The following PARN variants were observed in gnomAD, a reference collection of about 807,000 sequenced individuals.
PARN encodes poly(A)-specific ribonuclease.
A neutral mutation model predicts 102.8 loss-of-function variants in PARN; 71 were observed. The observed-to-expected ratio is 0.69, with a 90% confidence interval of 0.57 to 0.84. The LOEUF is 0.84. Among genes scored for constraint, PARN ranks in the 40% least tolerant of loss-of-function variants. PARN has a pLI of 0.00. For synonymous variants in PARN, 261 were observed against 252.9 expected (o/e 1.03, Z -0.30); for missense variants, 782 against 760.9 (o/e 1.03, Z -0.33).
intron 22 of PARN, among the ~76,000 whole-genome samples, chr16:14,471,361 T>G (rs1178956488): frequency 6.6e-6 from 1 of 152,192 alleles, no homozygotes; most frequent in African/African-American, 2.4e-5. Context: ...GATAATTCAC[T>G]CATGAATTAT....
At chr16:14,613,737 G>A (rs1315936613) in intron 6 of PARN, among the ~76,000 whole-genome samples, 1 of 152,210 alleles carries the variant, frequency 6.6e-6, no homozygotes, top group African/African-American at 2.4e-5. Flanking sequence ...ATCAATAGAT[G>A]CTAAAACTAA....
rs1014032129 is a variant in PARN, at chr16:14,438,442, G to GGC, written c.1865-1671_1865-1670insGC. On this transcript the variant is annotated intron_variant, in intron 23 of 23. Coordinates refer to ENST00000437198, the MANE Select transcript of PARN (RefSeq NM_002582.4). ...TGCCAATCTGCACCTGCCATTAGTT[G>GGC]GGGGGGGGGGTGTGTGAGTGCACAG... is the stretch of plus-strand genomic sequence containing the variant. Among the ~76,000 whole-genome samples the GGC allele has an allele frequency of 2.1e-4, 12 of 57,336 alleles. 2 individuals are homozygous for GGC. Among genetic ancestry groups the GGC allele is most frequent in the East Asian group, 3.8e-4 (1 of 2,612 alleles). 37.6% of individuals were successfully genotyped at this position (57,336 alleles called of 152,430 possible).
intron 21 of PARN, among the ~76,000 whole-genome samples, chr16:14,522,257 T>C (rs1446120523): frequency 3.3e-5 from 5 of 152,270 alleles, no homozygotes; most frequent in East Asian, 3.9e-4. Context: ...CCAAACAGAA[T>C]TGGGGTGCAG....
At chr16:14,447,690 T>C (rs1030875865) in intron 22 of PARN, among the ~76,000 whole-genome samples, 1 of 152,232 alleles carries the variant, frequency 6.6e-6, no homozygotes, top group African/African-American at 2.4e-5. Context: ...TTATGTGTCC[T>C]GATTTTTCCT....
intron 21 of PARN, among the ~76,000 whole-genome samples, chr16:14,529,923 C>A (rs1187131952): frequency 6.6e-6 from 1 of 152,130 alleles, no homozygotes; most frequent in African/African-American, 2.4e-5. Context: ...GACCACGAGA[C>A]CCCATCATGA....
chr16:14,462,993 C>T lies in PARN; in HGVS notation c.1671-15912G>A, dbSNP rs902527634. The stretch of plus-strand genomic sequence containing the variant: ...CCTGGGTATCTGCACAGGAATTCCT[C>T]GATGATTCAGCAGAGGACTGATCAG... On this transcript the variant is annotated intron_variant, in intron 22 of 23. Coordinates refer to ENST00000437198, the MANE Select transcript of PARN (RefSeq NM_002582.4). Among the ~76,000 whole-genome samples, 6 of 152,146 alleles carry T rather than the reference C, an allele frequency of 3.9e-5. No individual in the cohort carries two copies. The East Asian group carries it at 7.7e-4, about 20-fold the overall frequency.
At chr16:14,547,663 T>C (rs1277480312) in intron 21 of PARN, among the ~76,000 whole-genome samples, 1 of 151,934 alleles carries the variant, frequency 6.6e-6, no homozygotes, top group African/African-American at 2.4e-5. Flanking sequence ...TGAGTTATAA[T>C]CATGCCACCA....
intron 13 of PARN, among the ~76,000 whole-genome samples, chr16:14,588,931 G>A (rs954061539): frequency 1.3e-5 from 2 of 151,650 alleles, no homozygotes; most frequent in African/African-American, 4.9e-5. Flanking sequence ...TGTAATCCCA[G>A]AGCATTGGGA....
At chr16:14,539,853 A>G (rs1966773892) in intron 21 of PARN, among the ~76,000 whole-genome samples, 1 of 152,142 alleles carries the variant, frequency 6.6e-6, no homozygotes, top group South Asian at 2.1e-4. Flanking sequence ...TATTTGGGGG[A>G]AAAAATTGCG....
In PARN at chr16:14,593,046, G is replaced by A. The variant is rs1970290138; in HGVS notation, c.918+255C>T. The stretch of plus-strand genomic sequence containing the variant: ...AGCTACTCAGGAGGCTGAGGCAGGA[G>A]ACTCGCTTGAACCCAAGAGGTGGAG... On this transcript the variant is annotated intron_variant, in intron 13 of 23. Coordinates refer to ENST00000437198, the MANE Select transcript of PARN (RefSeq NM_002582.4). Among the ~76,000 whole-genome samples the A allele has an allele frequency of 3.3e-5, 5 of 152,082 alleles. No individual in the cohort carries two copies. In the South Asian group the frequency reaches 1.0e-3, roughly 32 times the overall value.
At chr16:14,462,644 CAG>C (rs879859942) in intron 22 of PARN, among the ~76,000 whole-genome samples, 7 of 145,634 alleles carry the variant, frequency 4.8e-5, no homozygotes, top group Non-Finnish European at 7.5e-5. Context: ...GATTGAGAGA[CAG>C]AGAGAGAAGA....
intron 23 of PARN, among the ~76,000 whole-genome samples, chr16:14,441,818 G>A (rs1596421850): frequency 6.6e-6 from 1 of 152,338 alleles, no homozygotes; most frequent in South Asian, 2.1e-4. Flanking sequence ...AGCAGCTGTA[G>A]ATCTTGTTTC....
At chr16:14,529,786 C>G (rs989803739) in intron 21 of PARN, among the ~76,000 whole-genome samples, 2 of 152,116 alleles carry the variant, frequency 1.3e-5, no homozygotes, top group African/African-American at 4.8e-5. Context: ...GACTCGGCAT[C>G]CCCTTCCTGT....
intron 5 of PARN, among the ~76,000 whole-genome samples, chr16:14,622,946 A>G (rs966709297): frequency 2.0e-5 from 3 of 152,118 alleles, no homozygotes; most frequent in African/African-American, 7.2e-5. Context: ...TCTACAAAAA[A>G]TACAAAAATT....
At chr16:14,587,815 T>G (rs1969950794) in intron 13 of PARN, among the ~76,000 whole-genome samples, 1 of 152,274 alleles carries the variant, frequency 6.6e-6, no homozygotes, top group Admixed American at 6.5e-5. Flanking sequence ...CACTTACTAC[T>G]CTACAACAAA....
chr16:14,521,387 CAT>C (rs1965723979), intron 21 of PARN, among the ~76,000 whole-genome samples: 1 of 152,232 alleles, frequency 6.6e-6, no homozygotes, highest in Non-Finnish European at 1.5e-5. Context: ...AAATCTCTGA[CAT>C]GTGGTAAAGC....
intron 22 of PARN, among the ~76,000 whole-genome samples, chr16:14,478,501 G>A (rs1963199974): frequency 6.6e-6 from 1 of 152,058 alleles, no homozygotes; most frequent in African/African-American, 2.4e-5. Flanking sequence ...ACTTAATGGG[G>A]AAACATTGAA....
chr16:14,596,536 G>A (rs1970523231), intron 12 of PARN, among the ~76,000 whole-genome samples: 1 of 151,744 alleles, frequency 6.6e-6, no homozygotes, highest in Non-Finnish European at 1.5e-5. Context: ...AAGAGTTCAA[G>A]ACCAGCCTGG....
chr16:14,581,399 A>G (rs1026342973), intron 17 of PARN, among the ~76,000 whole-genome samples: 2 of 152,106 alleles, frequency 1.3e-5, no homozygotes, highest in Non-Finnish European at 2.9e-5. Flanking sequence ...AGCAAGTGTC[A>G]GTGGTTTTTC....
Sources: allele counts gnomAD v4.1 joint callset (sites outside exome capture counted in the v4.1 genomes callset), GRCh38; gene constraint gnomAD v4.1.1; transcripts MANE v1.5; gene names NCBI Gene and HGNC (gene_info 2026-07-23, HGNC 2026-07-21).